Variants in TSHZ2 observed in about 807,000 individuals in gnomAD.
TSHZ2 encodes the protein teashirt zinc finger homeobox 2, also known as teashirt homolog 2.
TSHZ2 carries 21 observed loss-of-function variants against 74.4 expected under a neutral mutation model. The observed-to-expected ratio is 0.28, with a 90% CI of 0.20 to 0.41. The LOEUF (loss-of-function observed/expected upper bound fraction) is 0.41, where lower values mean the gene tolerates loss of function less well. Ranked by LOEUF, TSHZ2 falls within the 10% of genes least tolerant of loss-of-function variation. TSHZ2 has a pLI of 1.00. For synonymous variants in TSHZ2, 540 were observed against 515.3 expected, an observed-to-expected ratio of 1.05 and a Z score of -0.65; for missense variants, 1,244 against 1,293.5, an observed-to-expected ratio of 0.96 and a Z score of 0.59.
At chr20:53,129,303 A>T (rs1188548133) in intron 1 of TSHZ2, among the ~76,000 whole-genome samples, 2 of 152,026 alleles carry the variant, frequency 1.3e-5, no homozygotes, top group African/African-American at 4.8e-5. Flanking sequence ...TACATGGTAG[A>T]TATATATATG....
At chr20:53,007,710 GTATA>G (rs916095625) in intron 1 of TSHZ2, among the ~76,000 whole-genome samples, 10 of 148,814 alleles carry the variant, frequency 6.7e-5, no homozygotes, top group Non-Finnish European at 1.5e-4. Flanking sequence ...GTGTATGTAT[GTATA>G]CTCGTGTGTG....
intron 1 of TSHZ2, among the ~76,000 whole-genome samples, chr20:53,081,454 G>A (rs141102911): frequency 2.0e-5 from 3 of 152,288 alleles, no homozygotes; most frequent in African/African-American, 4.8e-5. Context: ...ACTGCACCCA[G>A]CTGAACCAGG....
At chr20:53,468,390 T>C (rs1262532286) in intron 2 of TSHZ2, among the ~76,000 whole-genome samples, 1 of 152,192 alleles carries the variant, frequency 6.6e-6, no homozygotes, top group African/African-American at 2.4e-5. Flanking sequence ...CTGCTGCCAT[T>C]GAAATCTTCT....
intron 1 of TSHZ2, among the ~76,000 whole-genome samples, chr20:53,252,300 CA>C (rs1443487854): frequency 1.3e-5 from 2 of 152,232 alleles, no homozygotes; most frequent in Non-Finnish European, 2.9e-5. Context: ...CTGGAAATAA[CA>C]GAGCCTGCTC....
intron 2 of TSHZ2, among the ~76,000 whole-genome samples, chr20:53,485,718 A>AG (rs1986274105): frequency 6.6e-6 from 1 of 152,042 alleles, no homozygotes; most frequent in South Asian, 2.1e-4. Context: ...CAAAAAAAAA[A>AG]AGCATGGGAA....
chr20:53,469,805 G>T, intron 2 of TSHZ2, among the ~76,000 whole-genome samples: 1 of 131,714 alleles, frequency 7.6e-6, no homozygotes, highest in Non-Finnish European at 1.6e-5. Flanking sequence ...AGGAAGGAAG[G>T]ACCCAACAAA....
At chr20:53,362,665 T>G (rs948444979) in intron 2 of TSHZ2, among the ~76,000 whole-genome samples, 6 of 27,978 alleles carry the variant, frequency 2.1e-4, no homozygotes, top group African/African-American at 1.8e-3. Context: ...AGATCTGTAT[T>G]TGTGCTGTCA....
chr20:53,277,930 C>A (rs936380938), intron 2 of TSHZ2, among the ~76,000 whole-genome samples: 1 of 152,170 alleles, frequency 6.6e-6, no homozygotes, highest in Admixed American at 6.5e-5. Flanking sequence ...CCAACTAACA[C>A]GCTCCTCCTG....
At chr20:53,376,175 C>T (rs927901393) in intron 2 of TSHZ2, among the ~76,000 whole-genome samples, 2 of 152,206 alleles carry the variant, frequency 1.3e-5, no homozygotes, top group Admixed American at 6.5e-5. Flanking sequence ...TAAAGCATAA[C>T]GGACTTGGTG....
At chr20:53,026,194 GGT>G (rs1395645434) in intron 1 of TSHZ2, among the ~76,000 whole-genome samples, 1 of 151,960 alleles carries the variant, frequency 6.6e-6, no homozygotes, top group African/African-American at 2.4e-5. Flanking sequence ...AACTGGAGCT[GGT>G]TTGAGACCAA....
intron 2 of TSHZ2, among the ~76,000 whole-genome samples, chr20:53,423,211 C>T (rs1360455294): frequency 6.6e-6 from 1 of 152,086 alleles, no homozygotes; most frequent in Non-Finnish European, 1.5e-5. Flanking sequence ...ACAGCCTGGC[C>T]AACATGGCAA....
intron 2 of TSHZ2, among the ~76,000 whole-genome samples, chr20:53,466,022 T>C (rs1600662805): frequency 6.9e-6 from 1 of 145,666 alleles, no homozygotes; most frequent in South Asian, 2.2e-4. Context: ...CCAAGGCAGG[T>C]GAATCACAAG....
chr20:53,376,009 G>A (rs1241788521), intron 2 of TSHZ2, among the ~76,000 whole-genome samples: 2 of 152,200 alleles, frequency 1.3e-5, no homozygotes, highest in African/African-American at 4.8e-5. Context: ...AGTACAAAAT[G>A]TTGTAAGGGT....
At chr20:53,289,209 CTT>C (rs1991234006) in intron 2 of TSHZ2, among the ~76,000 whole-genome samples, 1 of 152,164 alleles carries the variant, frequency 6.6e-6, no homozygotes, top group African/African-American at 2.4e-5. Flanking sequence ...TTTATCCACT[CTT>C]TGGTTGATGG....
chr20:53,236,679 T>C (rs1989946663), intron 1 of TSHZ2, among the ~76,000 whole-genome samples: 4 of 152,224 alleles, frequency 2.6e-5, no homozygotes, highest in South Asian at 4.1e-4. Context: ...TGCCTGAGAC[T>C]GGGTTATTTA....
intron 2 of TSHZ2, among the ~76,000 whole-genome samples, chr20:53,270,846 A>G (rs962322398): frequency 2.6e-5 from 4 of 152,136 alleles, no homozygotes; most frequent in Non-Finnish European, 5.9e-5. Flanking sequence ...ACATTTCTCA[A>G]TTTCACAGTC....
chr20:53,190,164 T>G (rs1988704558), intron 1 of TSHZ2, among the ~76,000 whole-genome samples: 1 of 136,902 alleles, frequency 7.3e-6, no homozygotes, highest in African/African-American at 2.7e-5. Context: ...TGTTTCTTTT[T>G]GTATATCGCT....
At chr20:52,996,736 T>C (rs1982210210) in intron 1 of TSHZ2, among the ~76,000 whole-genome samples, 1 of 152,188 alleles carries the variant, frequency 6.6e-6, no homozygotes. Flanking sequence ...TGCTGACATA[T>C]GCGAAGGAAA....
At chr20:53,143,647 G>A (rs952491953) in intron 1 of TSHZ2, among the ~76,000 whole-genome samples, 2 of 152,052 alleles carry the variant, frequency 1.3e-5, no homozygotes, top group African/African-American at 4.8e-5. Flanking sequence ...AGCCAAGATC[G>A]TGCCACTGCA....
Sources: gnomAD v4.1 joint callset for allele counts (sites outside exome capture counted in the v4.1 genomes callset) on GRCh38, gnomAD v4.1.1 for gene constraint, MANE v1.5 for transcripts, NCBI Gene and HGNC (gene_info 2026-07-23, HGNC 2026-07-21) for gene names.